Variants in RARS1 observed in about 807,000 individuals in gnomAD.
The protein encoded by RARS1 is arginyl-tRNA synthetase 1.
A neutral mutation model predicts 78.7 loss-of-function variants in RARS1; 75 were observed. The observed-to-expected ratio is 0.95, with a 90% CI of 0.79 to 1.15. The LOEUF is 1.15. Among genes scored for constraint, RARS1 ranks in the 50% most tolerant of loss-of-function variants. The probability of loss-of-function intolerance (pLI) is 0.00; values close to 1 mark genes in which losing one functional copy is unlikely to be tolerated. For missense variants in RARS1, 787 were observed against 787.5 expected, an observed-to-expected ratio of 1.00 and a Z score of 0.01; for synonymous variants, 273 against 268.2, an observed-to-expected ratio of 1.02 and a Z score of -0.18.
chr5:168,489,594 T>G (rs1034278846), intron 2 of RARS1, among the ~76,000 whole-genome samples: 2 of 152,178 alleles, frequency 1.3e-5, no homozygotes, highest in Non-Finnish European at 2.9e-5. Context: ...CAATTTTGTT[T>G]TAAAAAAATG....
chr5:168,487,644 A>C (rs1184768479), intron 1 of RARS1, among the ~76,000 whole-genome samples: 1 of 152,230 alleles, frequency 6.6e-6, no homozygotes, highest in Non-Finnish European at 1.5e-5. Context: ...AACATAATGT[A>C]TGCTCATTTT....
At position 168,518,071 on chromosome 5, in the gene RARS1, C is replaced by CTGTTTTTTTTTTTTT; in HGVS notation, c.1873+10_1873+11insGTTTTTTTTTTTTTT. ...GAAAGATAGACAGACTGGTGAGTGT[C>CTGTTTTTTTTTTTTT]TTTTTTTTTTTTTTTTTTTTTTTTA... is the stretch of plus-strand genomic sequence containing the variant. On this transcript the variant is annotated intron_variant, in intron 14 of 14. Transcript: ENST00000231572. 2.7e-6 allele frequency: 2 copies of CTGTTTTTTTTTTTTT among 747,558 alleles called. No homozygotes were observed. The highest frequency in any genetic ancestry group is 3.2e-6 in the Non-Finnish European group (2 of 622,934). The allele number at this position is 747,558 out of a possible 1,614,324, so 46.3% of individuals were successfully genotyped here.
chr5:168,494,752 C>T (rs753305589), intron 5 of RARS1, 102 bp downstream of exon 5: 2 of 840,032 alleles, frequency 2.4e-6, no homozygotes, highest in Non-Finnish European at 3.8e-6. Context: ...GAGGCTGAAG[C>T]AGGAGGATTG....
chr5:168,506,242 A>T, intron 10 of RARS1, 43 bp downstream of exon 10: 1 of 1,430,816 alleles, frequency 7.0e-7, no homozygotes, highest in Non-Finnish European at 9.4e-7. Flanking sequence ...GACTGATTAG[A>T]GGTAAGACAG....
At chr5:168,510,278 G>A (rs1758538391) in intron 11 of RARS1, among the ~76,000 whole-genome samples, 2 of 152,136 alleles carry the variant, frequency 1.3e-5, no homozygotes, top group African/African-American at 4.8e-5. Flanking sequence ...CTTATTAAAG[G>A]TAAATATGTA....
chr5:168,486,590 G>A, intron 1 of RARS1, 47 bp downstream of exon 1: 1 of 1,547,382 alleles, frequency 6.5e-7, no homozygotes, highest in Non-Finnish European at 8.7e-7. Flanking sequence ...AGATGGAGCA[G>A]GCTCTGACTC....
chr5:168,493,085 C>T (rs1758119471), intron 3 of RARS1: 2 of 396,326 alleles, frequency 5.0e-6, no homozygotes, highest in Non-Finnish European at 9.3e-6. Flanking sequence ...ATCATTGGTA[C>T]TCTTTTGTTT....
chr5:168,497,145 C>G, intron 6 of RARS1, 83 bp from the exon 7 acceptor site: 1 of 1,105,912 alleles, frequency 9.0e-7, no homozygotes. Context: ...ATTAGTGGTT[C>G]CTAATGGAAT....
intron 11 of RARS1, among the ~76,000 whole-genome samples, chr5:168,508,988 G>A (rs1360283058): frequency 6.6e-6 from 1 of 151,988 alleles, no homozygotes; most frequent in Non-Finnish European, 1.5e-5. Context: ...GGGGTATTAG[G>A]CATCTGTTTT....
chr5:168,516,123 T>G (rs1220083072), intron 12 of RARS1, among the ~76,000 whole-genome samples: 2 of 152,208 alleles, frequency 1.3e-5, no homozygotes, highest in African/African-American at 4.8e-5. Context: ...TTCTAAGAAC[T>G]ATAGTCCCTT....
chr5:168,519,255 A>G lies in RARS1; in HGVS notation c.*65A>G, dbSNP rs1241382624. On this transcript the variant is annotated 3_prime_UTR_variant, in exon 15 of 15. Coordinates refer to ENST00000231572, the MANE Select transcript of RARS1 (RefSeq NM_002887.4). Reference sequence around the variant, plus strand: ...GGCCATTGGCACTGTTTGCTTTTTTACAATCATGTGGACACAAGCATAAGT... The same window carrying G: ...GGCCATTGGCACTGTTTGCTTTTTTGCAATCATGTGGACACAAGCATAAGT... 9.4e-6 allele frequency: 12 copies of G among 1,271,192 alleles called. No individual in the cohort carries two copies. The highest frequency in any genetic ancestry group is 1.5e-5 in the African/African-American group (1 of 67,382). The allele number at this position is 1,271,192 out of a possible 1,614,324, so 78.7% of individuals were successfully genotyped here. A position where few individuals can be genotyped will look rare whatever the true frequency, so the allele number is the denominator to read the frequency against.
chr5:168,510,764 G>T, intron 12 of RARS1, 78 bp downstream of exon 12: 2 of 1,000,822 alleles, frequency 2.0e-6, no homozygotes, highest in East Asian at 2.6e-5. Context: ...GAGAACTGAG[G>T]AGAAGTGTGA....
intron 9 of RARS1, among the ~76,000 whole-genome samples, chr5:168,502,384 A>ATATTTTTTTTT (rs1280220276): frequency 7.9e-6 from 1 of 127,248 alleles, no homozygotes; most frequent in African/African-American, 3.2e-5. Context: ...ATATATATAT[A>ATATTTTTTTTT]TTTTTTTTTT....
intron 6 of RARS1, among the ~76,000 whole-genome samples, chr5:168,496,047 A>AG (rs1255091566): frequency 6.6e-6 from 1 of 152,136 alleles, no homozygotes; most frequent in Non-Finnish European, 1.5e-5. Flanking sequence ...TACTCTGGTT[A>AG]CTTACTGTGA....
At chr5:168,502,871 A>G (rs533978831) in intron 9 of RARS1, among the ~76,000 whole-genome samples, 40 of 152,178 alleles carry the variant, frequency 2.6e-4, no homozygotes, top group African/African-American at 9.4e-4. Context: ...AGTTTTTTCA[A>G]AGTATGCATA....
At chr5:168,488,534 C>A in intron 1 of RARS1, 68 bp from the exon 2 acceptor site, 1 of 1,491,966 alleles carries the variant, frequency 6.7e-7, no homozygotes, top group Non-Finnish European at 9.1e-7. Context: ...GTCTATGCCA[C>A]GCCTTGGTAG....
chr5:168,494,233 A>G lies in RARS1; in HGVS notation c.478+231A>G, dbSNP rs560528386. The G allele has an allele frequency of 3.1e-5, 31 of 984,936 alleles. No homozygotes were observed. The African/African-American group carries it at 5.2e-4, about 17-fold the overall frequency. 61.0% of individuals were successfully genotyped at this position (984,936 alleles called of 1,614,324 possible). The stretch of plus-strand genomic sequence containing the variant: ...TTGCCTCTCTGTGATTCAGTTTTTC[A>G]TCAGCAAAATGAGGATAGATAATGG... On this transcript the variant is annotated intron_variant, in intron 4 of 14. Coordinates refer to ENST00000231572, the MANE Select transcript of RARS1 (RefSeq NM_002887.4).
chr5:168,517,331 C>T (rs12153563), intron 13 of RARS1, among the ~76,000 whole-genome samples: 19,800 of 152,072 alleles, frequency 0.13, 1,724 homozygotes, highest in Non-Finnish European at 0.19. Context: ...TTAGTGGAGA[C>T]GGGGTTTCAC....
chr5:168,494,438 G>A (rs1346879867), intron 4 of RARS1, 112 bp from the exon 5 acceptor site: 6 of 1,514,480 alleles, frequency 4.0e-6, no homozygotes, highest in Non-Finnish European at 4.4e-6. Flanking sequence ...ACTGGTATTG[G>A]AATCCGGAAG....
Sources: gnomAD v4.1 joint callset for allele counts (sites outside exome capture counted in the v4.1 genomes callset) on GRCh38, gnomAD v4.1.1 for gene constraint, MANE v1.5 for transcripts, NCBI Gene and HGNC (gene_info 2026-07-23, HGNC 2026-07-21) for gene names.